Variants in L3MBTL4 observed in about 807,000 individuals in gnomAD.
The protein encoded by L3MBTL4 is lethal(3)malignant brain tumor-like protein 4.
L3MBTL4 carries 70 observed loss-of-function variants against 84.5 expected under a neutral mutation model. The ratio of observed to expected loss-of-function variants is 0.83; its 90% CI spans 0.68 to 1.01. L3MBTL4 has a LOEUF of 1.01. L3MBTL4 is among the 50% of genes least tolerant of loss of function. L3MBTL4 has a pLI of 0.00. For missense variants in L3MBTL4, 715 were observed against 754.8 expected (o/e 0.95, Z 0.62); for synonymous variants, 274 against 259.8 (o/e 1.05, Z -0.52).
At chr18:6,324,753 T>C (rs796677836) in intron 1 of L3MBTL4, among the ~76,000 whole-genome samples, 1 of 150,164 alleles carries the variant, frequency 6.7e-6, no homozygotes, top group South Asian at 2.1e-4. Context: ...GCCTGGATCA[T>C]CAGCCCAATC....
rs142379994 is a variant in L3MBTL4, at chr18:6,033,365, C to G, written c.1444+47516G>C. Among the ~76,000 whole-genome samples, 36 of 152,228 alleles carry G rather than the reference C, an allele frequency of 2.4e-4. No individual in the cohort carries two copies. In the East Asian group the frequency reaches 3.9e-3, roughly 16 times the overall value. On this transcript the variant is annotated intron_variant, in intron 16 of 18. Coordinates refer to ENST00000317931, the MANE Select transcript of L3MBTL4 (RefSeq NM_001330559.2). The stretch of plus-strand genomic sequence containing the variant: ...TTTTTAATCTCTTGTGTCTTTGGAT[C>G]TAAAGTGAGTCTTTTGAAGACAGCA...
At chr18:5,969,359 AC>A in intron 17 of L3MBTL4, 33 bp downstream of exon 17, 1 of 1,611,536 alleles carries the variant, frequency 6.2e-7, no homozygotes, top group East Asian at 2.2e-5. Context: ...CAGCAGGCAC[AC>A]CCCAGCCCTG....
chr18:6,033,288 C>T (rs1179553444), intron 16 of L3MBTL4, among the ~76,000 whole-genome samples: 4 of 152,068 alleles, frequency 2.6e-5, no homozygotes, highest in Non-Finnish European at 5.9e-5. Flanking sequence ...GCATAGCTAC[C>T]TCTGCTCTCT....
intron 1 of L3MBTL4, among the ~76,000 whole-genome samples, chr18:6,368,972 G>A (rs1302778317): frequency 1.3e-5 from 2 of 151,842 alleles, no homozygotes; most frequent in East Asian, 1.9e-4. Context: ...AACTCGGAAG[G>A]TGGAGGCTGC....
intron 13 of L3MBTL4, among the ~76,000 whole-genome samples, chr18:6,146,714 T>C (rs2144762694): frequency 6.6e-6 from 1 of 152,290 alleles, no homozygotes; most frequent in Non-Finnish European, 1.5e-5. Context: ...CCCCAAATGG[T>C]ATTTCTATTA....
Position 6,072,087 on chromosome 18 carries a change from A to T in L3MBTL4, c.1444+8794T>A, listed in dbSNP as rs187401547. Among the ~76,000 whole-genome samples the T allele has an allele frequency of 3.2e-4, 49 of 152,368 alleles. No individual in the cohort carries two copies. In the East Asian group the frequency reaches 9.1e-3, roughly 28 times the overall value. On this transcript the variant is annotated intron_variant, in intron 16 of 18. Transcript: ENST00000317931. ...TTGGAGAAATAAAATACATATTTCA[A>T]AATGTTGAAGGGTCAATTGATTACT...
intron 12 of L3MBTL4, among the ~76,000 whole-genome samples, chr18:6,201,341 A>G (rs373265128): frequency 5.3e-5 from 8 of 152,204 alleles, no homozygotes; most frequent in African/African-American, 1.9e-4. Flanking sequence ...CGGCAATTTT[A>G]CCATGAGTTT....
At chr18:6,065,346 A>G (rs758152709) in intron 16 of L3MBTL4, among the ~76,000 whole-genome samples, 1 of 152,020 alleles carries the variant, frequency 6.6e-6, no homozygotes, top group Non-Finnish European at 1.5e-5. Flanking sequence ...TTTCGGTATT[A>G]GGGTGATACT....
chr18:6,325,026 G>A (rs1421773714), intron 1 of L3MBTL4, among the ~76,000 whole-genome samples: 7 of 152,048 alleles, frequency 4.6e-5, no homozygotes, highest in African/African-American at 1.7e-4. Flanking sequence ...GCAAGGTTGA[G>A]GAGCAATGAC....
chr18:6,112,723 A>G (rs1485168873), intron 14 of L3MBTL4, among the ~76,000 whole-genome samples: 1 of 152,208 alleles, frequency 6.6e-6, no homozygotes, highest in Admixed American at 6.5e-5. Context: ...TGGCAGGTAT[A>G]TACTACTCAT....
chr18:6,373,014 A>G (rs1168727401), intron 1 of L3MBTL4, among the ~76,000 whole-genome samples: 1 of 152,166 alleles, frequency 6.6e-6, no homozygotes, highest in Non-Finnish European at 1.5e-5. Flanking sequence ...CTTTTTGAAA[A>G]CTGTCATCCA....
intron 13 of L3MBTL4, among the ~76,000 whole-genome samples, chr18:6,160,456 G>A (rs2043281581): frequency 6.6e-6 from 1 of 152,188 alleles, no homozygotes; most frequent in African/African-American, 2.4e-5. Context: ...AGTTGGCCAG[G>A]GGCGGTGGCT....
chr18:5,963,171 C>T (rs2052149204), intron 17 of L3MBTL4, among the ~76,000 whole-genome samples: 1 of 152,200 alleles, frequency 6.6e-6, no homozygotes, highest in Admixed American at 6.5e-5. Flanking sequence ...AGTGGCTTCC[C>T]CACTGGTAGG....
At chr18:6,281,350 A>C (rs778354154) in intron 4 of L3MBTL4, among the ~76,000 whole-genome samples, 1 of 152,224 alleles carries the variant, frequency 6.6e-6, no homozygotes, top group Non-Finnish European at 1.5e-5. Context: ...TGATACATAC[A>C]TAGACGGCAC....
At chr18:6,257,095 G>A (rs978936570) in intron 5 of L3MBTL4, among the ~76,000 whole-genome samples, 4 of 152,128 alleles carry the variant, frequency 2.6e-5, no homozygotes, top group African/African-American at 9.7e-5. Flanking sequence ...TGATATACAC[G>A]ATGTGGAATT....
chr18:6,175,429 T>G (rs932404015), intron 12 of L3MBTL4, among the ~76,000 whole-genome samples: 4 of 152,100 alleles, frequency 2.6e-5, no homozygotes, highest in African/African-American at 9.7e-5. Flanking sequence ...GTAAGAAATA[T>G]TACAGGGAGT....
chr18:6,221,092 G>A (rs2046531642), intron 10 of L3MBTL4, among the ~76,000 whole-genome samples: 1 of 151,898 alleles, frequency 6.6e-6, no homozygotes, highest in Admixed American at 6.6e-5. Flanking sequence ...TTTTTTAAAG[G>A]CACCCTCGAT....
intron 1 of L3MBTL4, among the ~76,000 whole-genome samples, chr18:6,331,120 TA>T (rs2052010088): frequency 6.6e-6 from 1 of 152,220 alleles, no homozygotes; most frequent in Non-Finnish European, 1.5e-5. Context: ...CTAAATCAGA[TA>T]TACATATTAG....
intron 16 of L3MBTL4, among the ~76,000 whole-genome samples, chr18:6,001,151 T>C (rs967526924): frequency 3.9e-5 from 6 of 152,212 alleles, no homozygotes; most frequent in African/African-American, 1.4e-4. Context: ...CCTCCAAATA[T>C]TGAGGATCTG....
Sources: allele counts gnomAD v4.1 joint callset (sites outside exome capture counted in the v4.1 genomes callset), GRCh38; gene constraint gnomAD v4.1.1; transcripts MANE v1.5; gene names NCBI Gene and HGNC (gene_info 2026-07-23, HGNC 2026-07-21).